Variants in DYNLT4 observed in about 807,000 individuals in gnomAD.
DYNLT4 encodes the protein dynein light chain Tctex-type 4.
Under a neutral mutation model 1.5 loss-of-function variants are expected in DYNLT4, and 3 were observed. The observed-to-expected ratio is 1.97, with a 90% confidence interval of 0.90 to 5.08. The LOEUF is 5.08. Among genes scored for constraint, DYNLT4 ranks in the 30% most tolerant of loss-of-function variants. DYNLT4 has a pLI of 0.02. For synonymous variants in DYNLT4, 181 were observed against 160.0 expected, an observed-to-expected ratio of 1.13 and a Z score of -0.99; for missense variants, 346 against 341.0, an observed-to-expected ratio of 1.01 and a Z score of -0.12.
Position 44,806,493 on chromosome 1 carries a change from G to T in DYNLT4, c.176C>A (p.Ala59Glu), listed in dbSNP as rs746024768. The T allele has an allele frequency of 6.6e-7, 1 of 1,511,738 alleles. No homozygotes were observed. Among genetic ancestry groups the T allele is most frequent in the Non-Finnish European group, 8.8e-7 (1 of 1,136,700 alleles). 93.6% of individuals were successfully genotyped at this position (1,511,738 alleles called of 1,614,324 possible). The change falls in exon 3 of 3, where the codon GCG (alanine) becomes GAG (glutamate). Residue 59 changes from alanine (A) to glutamate (E), a missense_variant. Ala to Glu is a moderately radical substitution (Grantham distance 107). Coordinates refer to ENST00000339355, the MANE Select transcript of DYNLT4 (RefSeq NM_001377534.1). ...CAGCGAGTTGCGGCGGGAGAAGGAC[G>T]CGGCCAGGCCCAGCATGGAGCCCCG... is the stretch of plus-strand genomic sequence containing the variant. ...SRRGSMLGLA[A>E]SFSRRNSLVG... is the part of the protein sequence containing the mutation.
At position 44,806,150 on chromosome 1, in the gene DYNLT4, A is replaced by T. The variant is rs964262220; in HGVS notation, c.519T>A (p.Ser173Arg). ...LSPPRYKLVC[S>R]VVLGPRAGQG... ...GGCCCGCGCGCGGCCCCAGCACCAC[A>T]CTGCATACCAGCTTGTAGCGTGGCG... is the stretch of plus-strand genomic sequence containing the variant. Residue 173 changes from serine (S) to arginine (R), a missense_variant, in exon 3 of 3, where the codon AGT (serine) becomes AGA (arginine). Transcript: ENST00000339355. 1.3e-6 allele frequency: 2 copies of T among 1,591,100 alleles called. No homozygotes were observed. Among genetic ancestry groups the T allele is most frequent in the African/African-American group, 2.7e-5 (2 of 74,752 alleles).
rs1386553360 is a variant in DYNLT4, at chr1:44,805,952, G to T, written c.*51C>A. On this transcript the variant is annotated 3_prime_UTR_variant, in exon 3 of 3. Transcript: ENST00000339355. ...CTTATTTATTGGGATGTGAGCCCCA[G>T]GGGGGCCTCCTCCTAGGATAATAAA... 1.3e-6 allele frequency: 2 copies of T among 1,508,272 alleles called. No individual in the cohort carries two copies. Among genetic ancestry groups the T allele is most frequent in the Non-Finnish European group, 1.8e-6 (2 of 1,128,676 alleles). 93.4% of individuals were successfully genotyped at this position (1,508,272 alleles called of 1,614,324 possible). A position where few individuals can be genotyped will look rare whatever the true frequency, so the allele number is the denominator to read the frequency against.
In DYNLT4 at chr1:44,806,018, C is replaced by T; in HGVS notation, c.651G>A (p.Gly217=). The change falls in exon 3 of 3, where the codon GGG becomes GGA. Residue 217 remains glycine, a synonymous_variant. Transcript: ENST00000339355. ...GGACTCCCCCTCACTCGCAGTAGAG[C>T]CCGTGGACCGTGGCCACCGCGAAGA... ...TSLFAVATVH[G]LYCE is the part of the protein sequence containing the mutation. 1 of 1,563,084 alleles carries T rather than the reference C, an allele frequency of 6.4e-7. No homozygotes were observed. Among genetic ancestry groups the T allele is most frequent in the South Asian group, 1.2e-5 (1 of 84,342 alleles).
Position 44,806,646 on chromosome 1 carries a change from G to T in DYNLT4, c.23C>A (p.Pro8Gln). ...GGCATTCTCCTCCTCCTGGCGTCCC[G>T]GGGGCAGAGGCCTGCTGGCCATGGA... MASRPLP[P>Q]GRQEEENAKD... is the part of the protein sequence containing the mutation. Residue 8 changes from proline (P) to glutamine (Q), a missense_variant, in exon 3 of 3, where the codon CCG becomes CAG. Coordinates refer to ENST00000339355, the MANE Select transcript of DYNLT4 (RefSeq NM_001377534.1). The T allele has an allele frequency of 1.4e-6, 2 of 1,464,372 alleles. No homozygotes were observed. The highest frequency in any genetic ancestry group is 5.2e-5 in the East Asian group (2 of 38,238). The allele number at this position is 1,464,372 out of a possible 1,614,324, so 90.7% of individuals were successfully genotyped here. A position where few individuals can be genotyped will look rare whatever the true frequency, so the allele number is the denominator to read the frequency against.
In DYNLT4 at chr1:44,806,479, G is replaced by A. The variant is rs1426682909; in HGVS notation, c.190C>T (p.Arg64Cys). ...GCGCCTGGCCCGACCAGCGAGTTGC[G>A]GCGGGAGAAGGACGCGGCCAGGCCC... Reference protein sequence around the residue: ...MLGLAASFSRRNSLVGPGAGP... With the variant: ...MLGLAASFSRCNSLVGPGAGP... The change falls in exon 3 of 3, where the codon CGC becomes TGC. Residue 64 changes from arginine (R) to cysteine (C), a missense_variant. Physicochemically the swap from Arg to Cys is radical, Grantham distance 180. Transcript: ENST00000339355. 5 of 1,516,942 alleles carry A rather than the reference G, an allele frequency of 3.3e-6. No individual in the cohort carries two copies. The highest frequency in any genetic ancestry group is 4.4e-6 in the Non-Finnish European group (5 of 1,138,740). The allele number at this position is 1,516,942 out of a possible 1,614,324, so 94.0% of individuals were successfully genotyped here.
Position 44,806,484 on chromosome 1 carries a change from G to T in DYNLT4, c.185C>A (p.Ser62Tyr). ...TGGCCCGACCAGCGAGTTGCGGCGG[G>T]AGAAGGACGCGGCCAGGCCCAGCAT... Reference protein sequence around the residue: ...GSMLGLAASFSRRNSLVGPGA... With the variant: ...GSMLGLAASFYRRNSLVGPGA... The change falls in exon 3 of 3, where the codon TCC (serine) becomes TAC (tyrosine). Residue 62 changes from serine (S) to tyrosine (Y), a missense_variant. Ser to Tyr is a moderately radical substitution (Grantham distance 144). Coordinates refer to ENST00000339355, the MANE Select transcript of DYNLT4 (RefSeq NM_001377534.1). 6.6e-7 allele frequency: 1 copy of T among 1,516,518 alleles called. No homozygotes were observed. The allele number at this position is 1,516,518 out of a possible 1,614,324, so 93.9% of individuals were successfully genotyped here.
Position 44,806,482 on chromosome 1 carries a change from G to A in DYNLT4, c.187C>T (p.Arg63Cys). Reference sequence around the variant, plus strand: ...CCTGGCCCGACCAGCGAGTTGCGGCGGGAGAAGGACGCGGCCAGGCCCAGC... The same window carrying A: ...CCTGGCCCGACCAGCGAGTTGCGGCAGGAGAAGGACGCGGCCAGGCCCAGC... ...SMLGLAASFS[R>C]RNSLVGPGAG... is the part of the protein sequence containing the mutation. The change falls in exon 3 of 3, where the codon CGC (arginine) becomes TGC (cysteine). Residue 63 changes from arginine (R) to cysteine (C), a missense_variant. Physicochemically the swap from Arg to Cys is radical, Grantham distance 180. Transcript: ENST00000339355. The A allele has an allele frequency of 6.6e-7, 1 of 1,517,108 alleles. No homozygotes were observed. The highest frequency in any genetic ancestry group is 8.8e-7 in the Non-Finnish European group (1 of 1,138,812). The allele number at this position is 1,517,108 out of a possible 1,614,324, so 94.0% of individuals were successfully genotyped here.
chr1:44,807,082 T>A, intron 1 of DYNLT4: 1 of 985,408 alleles, frequency 1.0e-6, no homozygotes, highest in Non-Finnish European at 1.2e-6. Context: ...CAGGAAGGAC[T>A]GACAGACTCA....
chr1:44,806,212 A>G lies in DYNLT4; in HGVS notation c.457T>C (p.Cys153Arg). Reference sequence around the variant, plus strand: ...CGCAGGCGAACGTGCACCTGCTCGCAGAGCTCCCGCACCAGCCGCGCGGCC... The same window carrying G: ...CGCAGGCGAACGTGCACCTGCTCGCGGAGCTCCCGCACCAGCCGCGCGGCC... Reference protein sequence around the residue: ...DEAARLVRELCEQVHVRLREL... With the variant: ...DEAARLVRELREQVHVRLREL... Residue 153 changes from cysteine (C) to arginine (R), a missense_variant, in exon 3 of 3, where the codon TGC (cysteine) becomes CGC (arginine). By Grantham distance (180) the Cys-to-Arg change is radical. Transcript: ENST00000339355. The G allele has an allele frequency of 6.5e-7, 1 of 1,540,800 alleles. No homozygotes were observed. The highest frequency in any genetic ancestry group is 8.7e-7 in the Non-Finnish European group (1 of 1,147,054).
Position 44,806,362 on chromosome 1 carries a change from A to G in DYNLT4, c.307T>C (p.Trp103Arg). The change falls in exon 3 of 3, where the codon TGG becomes CGG. Residue 103 changes from tryptophan (W) to arginine (R), a missense_variant. Trp to Arg is a moderately radical substitution (Grantham distance 101). Transcript: ENST00000339355. ...TCCGTGCGGTAGGAGGGCGCCACCC[A>G]ACGGGCGGGCGCCAGGGGCAACCCT... is the stretch of plus-strand genomic sequence containing the variant. Reference protein sequence around the residue: ...FSGLPLAPARWVAPSYRTEPV... With the variant: ...FSGLPLAPARRVAPSYRTEPV... The G allele has an allele frequency of 6.6e-7, 1 of 1,522,320 alleles. No individual in the cohort carries two copies. Among genetic ancestry groups the G allele is most frequent in the East Asian group, 2.5e-5 (1 of 39,220 alleles). The allele number at this position is 1,522,320 out of a possible 1,614,324, so 94.3% of individuals were successfully genotyped here.
In DYNLT4 at chr1:44,806,231, C is replaced by T. The variant is rs1652066250; in HGVS notation, c.438G>A (p.Ala146=). The change falls in exon 3 of 3, where the codon GCG becomes GCA. Residue 146 remains alanine, a synonymous_variant. Coordinates refer to ENST00000339355, the MANE Select transcript of DYNLT4 (RefSeq NM_001377534.1). ...HDACYSSDEA[A]RLVRELCEQV... is the part of the protein sequence containing the mutation. ...GCTCGCAGAGCTCCCGCACCAGCCGCGCGGCCTCGTCGCTGGAGTAGCACG... is the reference window on the plus strand; with the variant it reads ...GCTCGCAGAGCTCCCGCACCAGCCGTGCGGCCTCGTCGCTGGAGTAGCACG... The T allele has an allele frequency of 1.1e-5, 17 of 1,532,912 alleles. No individual in the cohort carries two copies. The highest frequency in any genetic ancestry group is 1.5e-5 in the Non-Finnish European group (17 of 1,143,202). The allele number at this position is 1,532,912 out of a possible 1,614,324, so 95.0% of individuals were successfully genotyped here.
rs1308144298 is a variant in DYNLT4 at position 44,806,067 on chromosome 1, G to C, written c.602C>G (p.Ser201Trp). 6.9e-6 allele frequency: 11 copies of C among 1,602,098 alleles called. No individual in the cohort carries two copies. The East Asian group carries it at 1.6e-4, about 23-fold the overall frequency. Residue 201 changes from serine to tryptophan, a missense_variant, in exon 3 of 3, where the codon TCG (serine) becomes TGG (tryptophan). Ser to Trp is a radical substitution (Grantham distance 177, BLOSUM62 -3). Transcript: ENST00000339355. ...GAGCGAGGTGTTGGTGTAGGAGACCGAGGCCAGCCCATCGCGCGCCACGTC... is the reference window on the plus strand; with the variant it reads ...GAGCGAGGTGTTGGTGTAGGAGACCCAGGCCAGCCCATCGCGCGCCACGTC... ...LWDVARDGLA[S>W]VSYTNTSLFA... is the part of the protein sequence containing the mutation.
In DYNLT4 at chr1:44,806,430, G is replaced by A. The variant is rs750012851; in HGVS notation, c.239C>T (p.Ser80Phe). 4.0e-6 allele frequency: 6 copies of A among 1,517,706 alleles called. No individual in the cohort carries two copies. In the South Asian group the frequency reaches 6.1e-5, roughly 15 times the overall value. The allele number at this position is 1,517,706 out of a possible 1,614,324, so 94.0% of individuals were successfully genotyped here. ...PGAGPGGQRP[S>F]LGPVPPLGSR... ...GCCCAGAGGGGGCACCGGGCCCAGG[G>A]ATGGCCGCTGACCCCCAGGACCCGC... The change falls in exon 3 of 3, where the codon TCC becomes TTC. Residue 80 changes from serine (S) to phenylalanine (F), a missense_variant. Transcript: ENST00000339355.
Position 44,806,654 on chromosome 1 carries a change from A to T in DYNLT4, c.15T>A (p.Pro5=), listed in dbSNP as rs747139854. The T allele has an allele frequency of 6.8e-7, 1 of 1,464,492 alleles. No individual in the cohort carries two copies. Among genetic ancestry groups the T allele is most frequent in the Admixed American group, 2.7e-5 (1 of 37,298 alleles). 90.7% of individuals were successfully genotyped at this position (1,464,492 alleles called of 1,614,324 possible). Residue 5 remains proline, a synonymous_variant, in exon 3 of 3, where the codon CCT becomes CCA. Transcript: ENST00000339355. ...CCTCCTCCTGGCGTCCCGGGGGCAG[A>T]GGCCTGCTGGCCATGGACCTGCTGG... The part of the protein sequence containing the change: MASR[P]LPPGRQEEEN...
Position 44,806,375 on chromosome 1 carries a change from C to G in DYNLT4, c.294G>C (p.Leu98=). The change falls in exon 3 of 3, where the codon CTG becomes CTC. Residue 98 remains leucine (L), a synonymous_variant. Transcript: ENST00000339355. ...GSRVSFSGLP[L]APARWVAPSY... The stretch of plus-strand genomic sequence containing the variant: ...AGGGCGCCACCCAACGGGCGGGCGC[C>G]AGGGGCAACCCTGAGAAGCTGACCC... 1.3e-6 allele frequency: 2 copies of G among 1,525,828 alleles called. No homozygotes were observed. The highest frequency in any genetic ancestry group is 5.1e-5 in the East Asian group (2 of 39,464). 94.5% of individuals were successfully genotyped at this position (1,525,828 alleles called of 1,614,324 possible). A position where few individuals can be genotyped will look rare whatever the true frequency, so the allele number is the denominator to read the frequency against.
chr1:44,807,293 C>T (rs1262086513), intron 1 of DYNLT4, among the ~76,000 whole-genome samples, 32 bp downstream of exon 1: 3 of 152,236 alleles, frequency 2.0e-5, no homozygotes, highest in Non-Finnish European at 4.4e-5. Context: ...TCTGAGATGG[C>T]TGCCCTCTGC....
Position 44,806,445 on chromosome 1 carries a change from C to T in DYNLT4, c.224G>A (p.Gly75Glu), listed in dbSNP as rs757957615. ...CGGGCCCAGGGATGGCCGCTGACCC[C>T]CAGGACCCGCGCCTGGCCCGACCAG... ...NSLVGPGAGPGGQRPSLGPVP... is the reference protein window; with the variant it reads ...NSLVGPGAGPEGQRPSLGPVP... The change falls in exon 3 of 3, where the codon GGG (glycine) becomes GAG (glutamate). Residue 75 changes from glycine to glutamate, a missense_variant. Physicochemically the swap from Gly to Glu is moderately conservative, Grantham distance 98. Coordinates refer to ENST00000339355, the MANE Select transcript of DYNLT4 (RefSeq NM_001377534.1). 5.2e-6 allele frequency: 8 copies of T among 1,525,140 alleles called. No homozygotes were observed. The highest frequency in any genetic ancestry group is 1.9e-4 in the Middle Eastern group (1 of 5,228). The allele number at this position is 1,525,140 out of a possible 1,614,324, so 94.5% of individuals were successfully genotyped here.
Position 44,806,024 on chromosome 1 carries a change from G to T in DYNLT4, c.645C>A (p.Val215=). 1 of 1,567,840 alleles carries T rather than the reference G, an allele frequency of 6.4e-7. No individual in the cohort carries two copies. Among genetic ancestry groups the T allele is most frequent in the South Asian group, 1.2e-5 (1 of 85,450 alleles). The change falls in exon 3 of 3, where the codon GTC becomes GTA. Residue 215 remains valine, a synonymous_variant. Coordinates refer to ENST00000339355, the MANE Select transcript of DYNLT4 (RefSeq NM_001377534.1). ...CCCCTCACTCGCAGTAGAGCCCGTG[G>T]ACCGTGGCCACCGCGAAGAGCGAGG... The part of the protein sequence containing the change: ...TNTSLFAVAT[V]HGLYCE
Position 44,806,532 on chromosome 1 carries a change from G to GCTGGAC in DYNLT4, c.131_136dup (p.Gly44_Pro45dup), listed in dbSNP as rs753702770. On this transcript the variant is annotated inframe_insertion, in exon 3 of 3. Transcript: ENST00000339355. Reference sequence around the variant, plus strand: ...CATGGAGCCCCGGCGCGAGGCCGGGGCTGGACCTGGACCTGCCGGTCGGGC... The same window carrying GCTGGAC: ...CATGGAGCCCCGGCGCGAGGCCGGGGCTGGACCTGGACCTGGACCTGCCGGTCGGGC... The GCTGGAC allele has an allele frequency of 5.7e-5, 86 of 1,498,800 alleles. No individual in the cohort carries two copies. In the African/African-American group the frequency reaches 9.1e-4, roughly 16 times the overall value. The allele number at this position is 1,498,800 out of a possible 1,614,324, so 92.8% of individuals were successfully genotyped here.
Sources: gnomAD v4.1 joint callset for allele counts (sites outside exome capture counted in the v4.1 genomes callset) on GRCh38, gnomAD v4.1.1 for gene constraint, MANE v1.5 for transcripts, NCBI Gene and HGNC (gene_info 2026-07-23, HGNC 2026-07-21) for gene names.